Variants in CDK5RAP2 observed in about 807,000 individuals in gnomAD.
CDK5RAP2 encodes the protein CDK5 regulatory subunit associated protein 2, also known as CDK5 regulatory subunit-associated protein 2.
CDK5RAP2 carries 147 observed loss-of-function variants against 232.9 expected under a neutral mutation model. The observed-to-expected ratio is 0.63, with a 90% CI of 0.55 to 0.72. CDK5RAP2 has a LOEUF of 0.72. Ranked by LOEUF, CDK5RAP2 falls within the 30% of genes least tolerant of loss-of-function variation. CDK5RAP2 has a pLI of 0.00. For synonymous variants in CDK5RAP2, 833 were observed against 833.7 expected (o/e 1.00, Z 0.01); for missense variants, 2,195 against 2,231.5 (o/e 0.98, Z 0.33).
chr9:120,429,648 T>C (rs2035150755), intron 25 of CDK5RAP2, among the ~76,000 whole-genome samples: 2 of 152,268 alleles, frequency 1.3e-5, no homozygotes, highest in South Asian at 4.2e-4. Context: ...TGCTCATGGG[T>C]AGGAAGAATC....
Position 120,539,068 on chromosome 9 carries a change from T to C in CDK5RAP2, c.480A>G (p.Leu160=), listed in dbSNP as rs3750494. 10 of 1,614,002 alleles carry C rather than the reference T, an allele frequency of 6.2e-6. No homozygotes were observed. In the Admixed American group the frequency reaches 1.7e-4, roughly 27 times the overall value. Residue 160 remains leucine, a synonymous_variant, in exon 6 of 38, where the codon CTA becomes CTG. Transcript: ENST00000349780. ...RKKVQQVEDL[L]TKRILLLEKD... is the part of the protein sequence containing the mutation. ...TTTCCAAAAGGAGTATTCTTTTAGT[T>C]AGGAGATCTTCCACCTGCTGCACCT...
In CDK5RAP2 at chr9:120,402,951, C is replaced by A. The variant is rs773864696; in HGVS notation, c.5162G>T (p.Ser1721Ile). 1 of 1,614,210 alleles carries A rather than the reference C, an allele frequency of 6.2e-7. No homozygotes were observed. The highest frequency in any genetic ancestry group is 1.1e-5 in the South Asian group (1 of 91,086). The change falls in exon 34 of 38, where the codon AGC becomes ATC. Residue 1721 changes from serine (S) to isoleucine (I), a missense_variant. Coordinates refer to ENST00000349780, the MANE Select transcript of CDK5RAP2 (RefSeq NM_018249.6). ...GCCCAGGACATGGCGGCCATTCTTG[C>A]TGGCCCACAGGTGGTGGCCAGTGAC... ...RLVTGHHLWASKNGRHVLGLI... is the reference protein window; with the variant it reads ...RLVTGHHLWAIKNGRHVLGLI...
intron 24 of CDK5RAP2, among the ~76,000 whole-genome samples, chr9:120,438,873 T>C: frequency 6.6e-6 from 1 of 152,242 alleles, no homozygotes; most frequent in Non-Finnish European, 1.5e-5. Flanking sequence ...AAACCGTATA[T>C]ATCTATGCCC....
In CDK5RAP2 at chr9:120,409,306, C is replaced by A. The variant is rs587783389; in HGVS notation, c.4425G>T (p.Lys1475Asn). 1.9e-5 allele frequency: 30 copies of A among 1,593,606 alleles called. No individual in the cohort carries two copies. The African/African-American group carries it at 2.8e-4, about 15-fold the overall frequency. The change falls in exon 30 of 38, where the codon AAG becomes AAT. Residue 1475 changes from lysine (K) to asparagine (N), a missense_variant. Coordinates refer to ENST00000349780, the MANE Select transcript of CDK5RAP2 (RefSeq NM_018249.6). ...GGGACTCTCGTAATTTGTCATTCTC[C>A]TTCTGTTTATCTGCAAACATAAAAA... ...MLIKGSRDKQ[K>N]ENDKLRESLS...
At chr9:120,482,482 C>A (rs577113070) in intron 14 of CDK5RAP2, among the ~76,000 whole-genome samples, 3 of 152,348 alleles carry the variant, frequency 2.0e-5, no homozygotes, top group Middle Eastern at 6.8e-3. Context: ...GAATGCCTAT[C>A]CCCTGAGACC....
intron 3 of CDK5RAP2, among the ~76,000 whole-genome samples, chr9:120,558,628 C>G (rs1011766279): frequency 1.3e-5 from 2 of 152,270 alleles, no homozygotes; most frequent in East Asian, 3.9e-4. Flanking sequence ...GCCTCACTGG[C>G]CTCCTTTCCA....
At chr9:120,415,402 A>G (rs1455582866) in intron 27 of CDK5RAP2, among the ~76,000 whole-genome samples, 1 of 152,212 alleles carries the variant, frequency 6.6e-6, no homozygotes. Flanking sequence ...AGAAAAAATT[A>G]TATTCCATAC....
At chr9:120,556,256 T>C (rs1264290272) in intron 3 of CDK5RAP2, among the ~76,000 whole-genome samples, 1 of 152,172 alleles carries the variant, frequency 6.6e-6, no homozygotes, top group Non-Finnish European at 1.5e-5. Context: ...TTTTATTTTA[T>C]GTAAATTATA....
intron 9 of CDK5RAP2, 38 bp from the exon 10 acceptor site, chr9:120,527,963 G>T: frequency 6.2e-7 from 1 of 1,611,168 alleles, no homozygotes. Flanking sequence ...AAGTTGATGC[G>T]TTCCAACCAA....
chr9:120,533,805 A>G (rs995579074), intron 7 of CDK5RAP2, among the ~76,000 whole-genome samples: 1 of 149,652 alleles, frequency 6.7e-6, no homozygotes, highest in Non-Finnish European at 1.5e-5. Context: ...TCTAAAAAAA[A>G]AAAAAAAAAA....
intron 28 of CDK5RAP2, 28 bp downstream of exon 28, chr9:120,415,012 A>T (rs2034122973): frequency 6.2e-7 from 1 of 1,613,300 alleles, no homozygotes; most frequent in Admixed American, 1.7e-5. Flanking sequence ...ACAGACATGT[A>T]CAGTCCTCCA....
chr9:120,437,466 C>A lies in CDK5RAP2; in HGVS notation c.3784G>T (p.Asp1262Tyr). ...GAGATGACACAGATGCCATGGCCAT[C>A]CTTAATCTGCTGCCGTTGAAGGGAG... ...ELSLQRQQIK[D>Y]GHGICVISRQ... The change falls in exon 25 of 38, where the codon GAT becomes TAT. Residue 1262 changes from aspartate (D) to tyrosine (Y), a missense_variant. Asp to Tyr is a radical substitution (Grantham distance 160). Transcript: ENST00000349780. The A allele has an allele frequency of 6.2e-7, 1 of 1,614,110 alleles. No individual in the cohort carries two copies. The highest frequency in any genetic ancestry group is 8.5e-7 in the Non-Finnish European group (1 of 1,180,006).
intron 20 of CDK5RAP2, among the ~76,000 whole-genome samples, chr9:120,456,007 T>C (rs1458100415): frequency 1.3e-5 from 2 of 152,206 alleles, no homozygotes; most frequent in Middle Eastern, 3.4e-3. Context: ...GAATTCACAA[T>C]TGAGGAAATA....
At chr9:120,471,718 A>G (rs748662091) in intron 16 of CDK5RAP2, 30 bp downstream of exon 16, 12 of 1,613,912 alleles carry the variant, frequency 7.4e-6, no homozygotes, top group Middle Eastern at 1.7e-4. Flanking sequence ...TGGAAAAACC[A>G]AAGAGAAGCA....
intron 10 of CDK5RAP2, among the ~76,000 whole-genome samples, 197 bp downstream of exon 10, chr9:120,527,609 A>G (rs1020059037): frequency 1.3e-5 from 2 of 152,180 alleles, no homozygotes; most frequent in African/African-American, 4.8e-5. Context: ...TAGGTAACCC[A>G]TATGATATTT....
chr9:120,401,075 A>C, intron 34 of CDK5RAP2, 190 bp from the exon 35 acceptor site: 1 of 616,014 alleles, frequency 1.6e-6, no homozygotes, highest in South Asian at 2.0e-5. Flanking sequence ...AGAGAATTTC[A>C]GTGGTGATCT....
intron 18 of CDK5RAP2, among the ~76,000 whole-genome samples, chr9:120,461,187 T>C (rs1488847709): frequency 6.6e-6 from 1 of 152,276 alleles, no homozygotes; most frequent in Non-Finnish European, 1.5e-5. Flanking sequence ...ACATCTGAGA[T>C]GGACAGTCCT....
At chr9:120,533,754 C>T (rs936617344) in intron 7 of CDK5RAP2, among the ~76,000 whole-genome samples, 9 of 144,008 alleles carry the variant, frequency 6.2e-5, no homozygotes, top group African/African-American at 1.8e-4. Context: ...GCCAAGATCA[C>T]GCCACTGCAC....
chr9:120,540,272 G>A (rs1348777832), intron 5 of CDK5RAP2, among the ~76,000 whole-genome samples: 2 of 152,164 alleles, frequency 1.3e-5, no homozygotes, highest in African/African-American at 4.8e-5. Context: ...GTTTCCAGAA[G>A]GCAAAATAAT....
Sources: allele counts gnomAD v4.1 joint callset (sites outside exome capture counted in the v4.1 genomes callset), GRCh38; gene constraint gnomAD v4.1.1; transcripts MANE v1.5; gene names NCBI Gene and HGNC (gene_info 2026-07-23, HGNC 2026-07-21).